KLRG2: variants seen among roughly 807,000 people sequenced by gnomAD.
The protein encoded by KLRG2 is killer cell lectin like receptor G2.
A neutral mutation model predicts 35.4 loss-of-function variants in KLRG2; 39 were observed. That is an observed-to-expected ratio of 1.10 (90% CI 0.85 to 1.44). KLRG2 has a LOEUF of 1.44. KLRG2 is among the 40% of genes most tolerant of loss of function. KLRG2 has a pLI of 0.00. For synonymous variants in KLRG2, 283 were observed against 265.8 expected (o/e 1.06, Z -0.63); for missense variants, 632 against 570.9 (o/e 1.11, Z -1.09).
intron 4 of KLRG2, 53 bp from the exon 5 acceptor site, chr7:139,453,760 T>G: frequency 1.2e-6 from 2 of 1,608,068 alleles, no homozygotes; most frequent in Non-Finnish European, 1.7e-6. Context: ...GCCGGGGCCT[T>G]GCTTCCCAGC....
chr7:139,435,739 C>G, the KLRG2 span, among the ~76,000 whole-genome samples: 1 of 152,196 alleles, frequency 6.6e-6, no homozygotes, highest in African/African-American at 2.4e-5. Context: ...CACGATGCTG[C>G]TGAGACTCAC....
chr7:139,438,993 G>A, the KLRG2 span, among the ~76,000 whole-genome samples: 3 of 136,110 alleles, frequency 2.2e-5, no homozygotes, highest in African/African-American at 5.5e-5. Flanking sequence ...CATGCCCCGC[G>A]TGGCAATTTC....
At chr7:139,440,525 G>A in the KLRG2 span, among the ~76,000 whole-genome samples, 1 of 149,154 alleles carries the variant, frequency 6.7e-6, no homozygotes, top group African/African-American at 2.5e-5. Context: ...CAAAAGTGTT[G>A]GGATTACAGG....
chr7:139,427,351 C>T, the KLRG2 span, among the ~76,000 whole-genome samples: 1 of 152,228 alleles, frequency 6.6e-6, no homozygotes, highest in South Asian at 2.1e-4. Flanking sequence ...ATCTGGGGAT[C>T]AGAACAAGCT....
the KLRG2 span, among the ~76,000 whole-genome samples, chr7:139,433,617 C>T: frequency 2.0e-5 from 3 of 146,540 alleles, no homozygotes; most frequent in African/African-American, 5.2e-5. Context: ...TGAACCACTG[C>T]GCCCGGCCTT....
At chr7:139,451,258 G>A (rs1328663397), downstream of KLRG2, among the ~76,000 whole-genome samples, 1 of 152,220 alleles carries the variant, frequency 6.6e-6, no homozygotes, top group Non-Finnish European at 1.5e-5. Flanking sequence ...CCAGCACTTT[G>A]GGAGGCCGAG....
At chr7:139,478,380 AAG>A (rs1796892750) in intron 3 of KLRG2, among the ~76,000 whole-genome samples, 1 of 147,804 alleles carries the variant, frequency 6.8e-6, no homozygotes, top group African/African-American at 2.5e-5. Flanking sequence ...AAAAAAAAAA[AAG>A]GACAACACTG....
At chr7:139,456,264 C>T (rs571105121) in intron 3 of KLRG2, among the ~76,000 whole-genome samples, 10 of 152,358 alleles carry the variant, frequency 6.6e-5, no homozygotes, top group South Asian at 2.1e-4. Flanking sequence ...GCTTTTTTAA[C>T]GGACACTGGG....
intron 3 of KLRG2, among the ~76,000 whole-genome samples, chr7:139,465,105 C>T (rs1796629063): frequency 6.6e-6 from 1 of 152,184 alleles, no homozygotes; most frequent in South Asian, 2.1e-4. Flanking sequence ...GGCCTAACTG[C>T]CACTCACCAG....
intron 3 of KLRG2, among the ~76,000 whole-genome samples, chr7:139,476,903 G>A (rs1796859107): frequency 6.6e-6 from 1 of 152,136 alleles, no homozygotes; most frequent in South Asian, 2.1e-4. Flanking sequence ...GTGATTTCCT[G>A]ATTGACGTCT....
the KLRG2 span, among the ~76,000 whole-genome samples, chr7:139,447,299 A>C: frequency 6.6e-6 from 1 of 152,226 alleles, no homozygotes; most frequent in South Asian, 2.1e-4. Flanking sequence ...TATAGGTTAG[A>C]GCCTCCTACC....
At chr7:139,434,195 T>C in the KLRG2 span, among the ~76,000 whole-genome samples, 1 of 152,266 alleles carries the variant, frequency 6.6e-6, no homozygotes, top group Non-Finnish European at 1.5e-5. Context: ...AGATTTTTAT[T>C]GCTTGTCAAG....
the KLRG2 span, among the ~76,000 whole-genome samples, chr7:139,440,411 CTTTTTTTTTTTT>C: frequency 2.5e-5 from 1 of 40,508 alleles, no homozygotes. Flanking sequence ...CCACACCTGG[CTTTTTTTTTTTT>C]TTTTTTTTTT....
rs137956811 is a variant in KLRG2 at position 139,453,046 on chromosome 7, CCT to C, written c.*539_*540del. 5,161 of 155,858 alleles carry C rather than the reference CCT, an allele frequency of 0.033. 128 individuals carry two copies. The highest frequency in any genetic ancestry group is 0.049 in the Non-Finnish European group (3,490 of 70,712). The allele number at this position is 155,858 out of a possible 1,614,324, so 9.7% of individuals were successfully genotyped here. ...GTGGGGAAGGAAAACCTTGCTCTCC[CCT>C]CTTTCCAGGGCTGACCGCTCCTTTT... is the stretch of plus-strand genomic sequence containing the variant. On this transcript the variant is annotated 3_prime_UTR_variant, in exon 5 of 5. Coordinates refer to ENST00000340940, the MANE Select transcript of KLRG2 (RefSeq NM_198508.4).
chr7:139,480,710 G>A (rs1457373701), intron 1 of KLRG2, among the ~76,000 whole-genome samples: 3 of 148,372 alleles, frequency 2.0e-5, no homozygotes, highest in Non-Finnish European at 4.4e-5. Context: ...CTCCCAAAGT[G>A]CTGGGATTAC....
chr7:139,453,218 G>A lies in KLRG2; in HGVS notation c.*369C>T, dbSNP rs780704747. On this transcript the variant is annotated 3_prime_UTR_variant, in exon 5 of 5. Transcript: ENST00000340940. Reference sequence around the variant, plus strand: ...CAGACTCATTTCCATGAGCCGGAATGAGAACCCAGATTGGAATCCGCTGTG... The same window carrying A: ...CAGACTCATTTCCATGAGCCGGAATAAGAACCCAGATTGGAATCCGCTGTG... The A allele has an allele frequency of 1.2e-5, 5 of 407,452 alleles. No homozygotes were observed. The highest frequency in any genetic ancestry group is 2.1e-5 in the Non-Finnish European group (5 of 232,698). 25.2% of individuals were successfully genotyped at this position (407,452 alleles called of 1,614,324 possible). A position where few individuals can be genotyped will look rare whatever the true frequency, so the allele number is the denominator to read the frequency against.
chr7:139,445,793 G>GTATATATATATATATATATATATATA, the KLRG2 span, among the ~76,000 whole-genome samples: 1 of 95,578 alleles, frequency 1.0e-5, no homozygotes, highest in African/African-American at 8.3e-5. Flanking sequence ...ATATATATAT[G>GTATATATATATATATATATATATATA]TGTGTATATA....
chr7:139,438,999 A>G, the KLRG2 span, among the ~76,000 whole-genome samples: 2 of 143,080 alleles, frequency 1.4e-5, no homozygotes, highest in Admixed American at 7.5e-5. Flanking sequence ...CCGCGTGGCA[A>G]TTTCTTAAAA....
At position 139,458,857 on chromosome 7, in the gene KLRG2, C is replaced by G. The variant is rs564412176; in HGVS notation, c.1006-4643G>C. Among the ~76,000 whole-genome samples, 3 of 152,324 alleles carry G rather than the reference C, an allele frequency of 2.0e-5. No homozygotes were observed. The South Asian group carries it at 6.2e-4, about 32-fold the overall frequency. On this transcript the variant is annotated intron_variant, in intron 3 of 4. Coordinates refer to ENST00000340940, the MANE Select transcript of KLRG2 (RefSeq NM_198508.4). ...TTCTGGGAAGATGAGCCACGTCTAT[C>G]CTGTACCTCTGGGCACCCTGGCCCT... is the stretch of plus-strand genomic sequence containing the variant.
Sources: gnomAD v4.1 joint callset for allele counts (sites outside exome capture counted in the v4.1 genomes callset) on GRCh38, gnomAD v4.1.1 for gene constraint, MANE v1.5 for transcripts, NCBI Gene and HGNC (gene_info 2026-07-23, HGNC 2026-07-21) for gene names.